The following CES5A variants were observed in gnomAD, a reference collection of about 807,000 sequenced individuals.
CES5A encodes the protein carboxylesterase 5.
In CES5A, 67 loss-of-function variants were observed where a neutral mutation model predicts 62.9. The ratio of observed to expected loss-of-function variants is 1.07; its 90% CI spans 0.88 to 1.31. The LOEUF (loss-of-function observed/expected upper bound fraction) is 1.31. Among genes scored for constraint, CES5A ranks in the 50% most tolerant of loss-of-function variants. CES5A has a pLI of 0.00. For synonymous variants in CES5A, 296 were observed against 280.8 expected (o/e 1.05, Z -0.54); for missense variants, 748 against 708.5 (o/e 1.06, Z -0.63).
chr16:55,883,422 C>T (rs2142426354), intron 1 of CES5A, among the ~76,000 whole-genome samples: 1 of 152,248 alleles, frequency 6.6e-6, no homozygotes, highest in South Asian at 2.1e-4. Context: ...CAGGCATGCA[C>T]CACCACACCC....
At chr16:55,919,469 T>G (rs552672341) in intron 1 of CES5A, among the ~76,000 whole-genome samples, 2 of 152,120 alleles carry the variant, frequency 1.3e-5, no homozygotes, top group Non-Finnish European at 2.9e-5. Flanking sequence ...ACCCAAATGA[T>G]TTTATCTTCG....
At chr16:55,854,940 C>A (rs573834667) in intron 9 of CES5A, among the ~76,000 whole-genome samples, 1 of 152,286 alleles carries the variant, frequency 6.6e-6, no homozygotes, top group African/African-American at 2.4e-5. Context: ...TGAAAGCATT[C>A]TCTCCTGCTG....
chr16:55,873,223 C>T (rs919571842), intron 2 of CES5A, among the ~76,000 whole-genome samples: 2 of 152,156 alleles, frequency 1.3e-5, no homozygotes, highest in African/African-American at 4.8e-5. Context: ...GTTACCTAAC[C>T]GAGCTTGGAA....
In CES5A at chr16:55,875,224, G is replaced by T; in HGVS notation, c.-3C>A. 1 of 1,613,508 alleles carries T rather than the reference G, an allele frequency of 6.2e-7. No individual in the cohort carries two copies. The highest frequency in any genetic ancestry group is 1.7e-5 in the Admixed American group (1 of 59,928). ...GGGTGCACCCAATTCCCACTCATTT[G>T]GCTGCCTGCCTGCACTCTGTGAACA... On this transcript the variant is annotated 5_prime_UTR_variant, in exon 1 of 13. Transcript: ENST00000290567.
intron 1 of CES5A, chr16:55,950,038 A>T (rs1224514747): frequency 3.1e-6 from 1 of 327,062 alleles, no homozygotes; most frequent in Non-Finnish European, 5.1e-6. Context: ...AGTGTAGGAA[A>T]AAAAGAAGGG....
intron 10 of CES5A, among the ~76,000 whole-genome samples, chr16:55,851,521 G>T (rs1254360984): frequency 6.6e-6 from 1 of 152,212 alleles, no homozygotes; most frequent in Non-Finnish European, 1.5e-5. Flanking sequence ...AAGATGTCGA[G>T]AAATTGCACC....
At chr16:55,859,797 T>G in intron 7 of CES5A, 110 bp from the exon 8 acceptor site, 1 of 896,386 alleles carries the variant, frequency 1.1e-6, no homozygotes, top group Non-Finnish European at 1.7e-6. Context: ...TAGCACTGGC[T>G]TAAATGCACT....
chr16:55,907,565 G>A (rs974789971), intron 1 of CES5A, among the ~76,000 whole-genome samples: 2 of 152,186 alleles, frequency 1.3e-5, no homozygotes, highest in African/African-American at 4.8e-5. Context: ...AAACAGAAAT[G>A]TCTCAAAAAA....
intron 1 of CES5A, among the ~76,000 whole-genome samples, chr16:55,894,498 CAAAAA>C (rs370359945): frequency 5.8e-5 from 6 of 103,000 alleles, no homozygotes; most frequent in Non-Finnish European, 1.1e-4. Context: ...AACTCTGTCT[CAAAAA>C]AAAAAAAAAA....
chr16:55,864,036 G>T (rs1382304356), intron 5 of CES5A, among the ~76,000 whole-genome samples: 1 of 152,040 alleles, frequency 6.6e-6, no homozygotes, highest in African/African-American at 2.4e-5. Context: ...GTGAGCCACC[G>T]CACCCAGCCA....
chr16:55,880,452 G>A (rs138993786), intron 1 of CES5A, among the ~76,000 whole-genome samples: 7 of 152,160 alleles, frequency 4.6e-5, no homozygotes, highest in African/African-American at 7.2e-5. Context: ...ACACCCCCTC[G>A]TCTCACCTTC....
intron 5 of CES5A, 142 bp from the exon 6 acceptor site, chr16:55,863,594 TA>T: frequency 1.6e-6 from 1 of 616,068 alleles, no homozygotes; most frequent in Admixed American, 2.8e-5. Context: ...GTTTAGGGGT[TA>T]AAGGACTAGC....
At chr16:55,900,449 T>C (rs886927138) in intron 1 of CES5A, among the ~76,000 whole-genome samples, 1 of 152,162 alleles carries the variant, frequency 6.6e-6, no homozygotes, top group African/African-American at 2.4e-5. Context: ...CGAGGAATAA[T>C]AGCTCTGCCC....
chr16:55,911,330 T>C (rs963890521), intron 1 of CES5A, among the ~76,000 whole-genome samples: 30 of 152,302 alleles, frequency 2.0e-4, no homozygotes, highest in African/African-American at 7.2e-4. Context: ...CATATGCCTT[T>C]GGTGAGAATT....
At chr16:55,895,571 A>G (rs2033923288) in intron 1 of CES5A, among the ~76,000 whole-genome samples, 2 of 152,232 alleles carry the variant, frequency 1.3e-5, no homozygotes, top group Non-Finnish European at 1.5e-5. Context: ...TATATCTTGG[A>G]AGTGCCTGTG....
At chr16:55,929,926 T>G (rs2034292185), upstream of CES5A, among the ~76,000 whole-genome samples, 1 of 152,108 alleles carries the variant, frequency 6.6e-6, no homozygotes, top group Non-Finnish European at 1.5e-5. Context: ...CTCCTCAGCT[T>G]AATCTCAGTT....
chr16:55,922,051 A>G (rs1470355232), intron 1 of CES5A, among the ~76,000 whole-genome samples: 1 of 152,060 alleles, frequency 6.6e-6, no homozygotes, highest in Non-Finnish European at 1.5e-5. Context: ...ACTCACTAAA[A>G]ATAAAAAGCA....
At chr16:55,871,328 C>A (rs2033579291) in intron 3 of CES5A, among the ~76,000 whole-genome samples, 1 of 152,158 alleles carries the variant, frequency 6.6e-6, no homozygotes, top group African/African-American at 2.4e-5. Context: ...AGAAAAAAGT[C>A]AGATTCCTTT....
intron 7 of CES5A, among the ~76,000 whole-genome samples, chr16:55,861,068 A>T (rs1484663611): frequency 2.6e-5 from 4 of 152,180 alleles, no homozygotes; most frequent in African/African-American, 7.2e-5. Flanking sequence ...AACTAAAATG[A>T]CTTCCTAATA....
Sources: gnomAD v4.1 joint callset for allele counts (sites outside exome capture counted in the v4.1 genomes callset) on GRCh38, gnomAD v4.1.1 for gene constraint, MANE v1.5 for transcripts, NCBI Gene and HGNC (gene_info 2026-07-23, HGNC 2026-07-21) for gene names.